Variants in C9 observed in about 807,000 individuals in gnomAD.
C9 encodes complement C9.
A neutral mutation model predicts 65.4 loss-of-function variants in C9; 63 were observed. The ratio of observed to expected loss-of-function variants is 0.96; its 90% CI spans 0.79 to 1.19. The LOEUF is 1.19. Ranked by LOEUF, C9 falls within the 50% of genes most tolerant of loss-of-function variation. The pLI, the probability that C9 is intolerant of heterozygous loss-of-function variation, is 0.00. For missense variants in C9, 744 were observed against 670.1 expected, an observed-to-expected ratio of 1.11 and a Z score of -1.22; for synonymous variants, 229 against 227.9, an observed-to-expected ratio of 1.00 and a Z score of -0.04.
At chr5:39,299,613 G>A (rs190553) in intron 9 of C9, among the ~76,000 whole-genome samples, 147,576 of 152,234 alleles carry the variant, frequency 0.97, 71,694 homozygotes, top group East Asian at 1. Context: ...AAAAAGTTAC[G>A]TGATTACATT....
chr5:39,290,993 AC>A (rs1284066549), intron 9 of C9, among the ~76,000 whole-genome samples: 5 of 151,852 alleles, frequency 3.3e-5, no homozygotes, highest in East Asian at 3.9e-4. Context: ...ATACAAAATT[AC>A]CCCAGGCATC....
chr5:39,316,916 T>C lies in C9; in HGVS notation c.616-887A>G, dbSNP rs536859220. On this transcript the variant is annotated intron_variant, in intron 5 of 10. Coordinates refer to ENST00000263408, the MANE Select transcript of C9 (RefSeq NM_001737.5). ...TTTCTGCTTCTAGATCTTTGAAGAA[T>C]TGGCACACTGTCTTCCACAATAGTT... Among the ~76,000 whole-genome samples, 6 of 152,330 alleles carry C rather than the reference T, an allele frequency of 3.9e-5. No homozygotes were observed. In the East Asian group the frequency reaches 1.2e-3, roughly 29 times the overall value.
chr5:39,288,053 AAC>A (rs1418613620), intron 10 of C9, among the ~76,000 whole-genome samples: 4 of 151,972 alleles, frequency 2.6e-5, no homozygotes, highest in Non-Finnish European at 5.9e-5. Flanking sequence ...AGCTTTCAAA[AAC>A]ACAAATACAG....
At chr5:39,294,830 A>C (rs1164182837) in intron 9 of C9, among the ~76,000 whole-genome samples, 1 of 151,932 alleles carries the variant, frequency 6.6e-6, no homozygotes, top group Non-Finnish European at 1.5e-5. Context: ...AATATTAGCA[A>C]ACTGATGGCA....
chr5:39,334,306 C>T (rs1753911053), intron 4 of C9, among the ~76,000 whole-genome samples: 1 of 150,968 alleles, frequency 6.6e-6, no homozygotes, highest in African/African-American at 2.4e-5. Flanking sequence ...CGGCCGCAAC[C>T]CCGTCTGGGA....
At chr5:39,349,980 T>C (rs986648369) in intron 1 of C9, among the ~76,000 whole-genome samples, 8 of 152,166 alleles carry the variant, frequency 5.3e-5, no homozygotes, top group Non-Finnish European at 1.2e-4. Flanking sequence ...CTAATGACAC[T>C]GTATTAATCT....
intron 6 of C9, among the ~76,000 whole-genome samples, chr5:39,312,559 T>G (rs1339660314): frequency 1.3e-5 from 2 of 152,082 alleles, no homozygotes; most frequent in Middle Eastern, 3.2e-3. Context: ...GGAACTCAAG[T>G]CAGCCTAAGC....
At chr5:39,348,331 G>A (rs1036958693) in intron 1 of C9, among the ~76,000 whole-genome samples, 9 of 151,936 alleles carry the variant, frequency 5.9e-5, no homozygotes, top group South Asian at 2.1e-4. Context: ...CAAGAAAAAA[G>A]CAAACAACCC....
chr5:39,313,494 A>G (rs1054205311), intron 6 of C9, among the ~76,000 whole-genome samples: 4 of 152,160 alleles, frequency 2.6e-5, no homozygotes, highest in Non-Finnish European at 5.9e-5. Flanking sequence ...TGCTTCTCAA[A>G]CTATAAAATG....
intron 5 of C9, among the ~76,000 whole-genome samples, chr5:39,329,991 G>A (rs894750756): frequency 8.5e-5 from 13 of 152,206 alleles, no homozygotes; most frequent in African/African-American, 2.9e-4. Context: ...AGTGGGAGCA[G>A]CAACGGAGTG....
At chr5:39,334,908 A>G (rs10473134) in intron 4 of C9, among the ~76,000 whole-genome samples, 4,497 of 152,130 alleles carry the variant, frequency 0.03, 209 homozygotes, top group African/African-American at 0.1. Flanking sequence ...TTGAGAAATC[A>G]GATGGTTGCT....
At chr5:39,286,940 T>C (rs1264142809) in intron 10 of C9, among the ~76,000 whole-genome samples, 1 of 152,018 alleles carries the variant, frequency 6.6e-6, no homozygotes. Flanking sequence ...GGTTGAATGA[T>C]AAACGAGGCT....
At chr5:39,344,849 G>T (rs1326727460) in intron 1 of C9, among the ~76,000 whole-genome samples, 1 of 152,216 alleles carries the variant, frequency 6.6e-6, no homozygotes, top group Non-Finnish European at 1.5e-5. Flanking sequence ...CAAGCCAGAA[G>T]AGAGTGGGGG....
chr5:39,330,322 C>T (rs552319486), intron 5 of C9, among the ~76,000 whole-genome samples: 40 of 152,270 alleles, frequency 2.6e-4, no homozygotes, highest in Non-Finnish European at 4.7e-4. Flanking sequence ...ACATGTGTTT[C>T]CAGGGTTATG....
At chr5:39,357,110 G>A (rs560011932) in intron 1 of C9, among the ~76,000 whole-genome samples, 12 of 152,190 alleles carry the variant, frequency 7.9e-5, no homozygotes, top group Non-Finnish European at 1.6e-4. Flanking sequence ...ATCCTGCCAT[G>A]AAGAAAAGTT....
chr5:39,339,651 CTTTTTTTT>C (rs550624256), intron 4 of C9, among the ~76,000 whole-genome samples: 32 of 57,494 alleles, frequency 5.6e-4, no homozygotes, highest in Admixed American at 2.6e-3. Flanking sequence ...TCTTTTCTCT[CTTTTTTTT>C]TTTTTTTTTT....
chr5:39,297,681 G>T (rs955740648), intron 9 of C9, among the ~76,000 whole-genome samples: 1 of 151,628 alleles, frequency 6.6e-6, no homozygotes, highest in African/African-American at 2.4e-5. Context: ...ATCTAAATGT[G>T]TATGCACCCA....
intron 10 of C9, among the ~76,000 whole-genome samples, chr5:39,288,386 A>G (rs1399109980): frequency 1.3e-5 from 2 of 151,854 alleles, no homozygotes; most frequent in African/African-American, 2.4e-5. Context: ...CAAAGTGTAT[A>G]TGATATATAT....
chr5:39,344,169 T>C (rs1177172825), intron 1 of C9, among the ~76,000 whole-genome samples: 2 of 152,172 alleles, frequency 1.3e-5, no homozygotes, highest in African/African-American at 2.4e-5. Flanking sequence ...CAAAGCTGGA[T>C]GGAGAATGAC....
Sources: allele counts gnomAD v4.1 joint callset (sites outside exome capture counted in the v4.1 genomes callset), GRCh38; gene constraint gnomAD v4.1.1; transcripts MANE v1.5; gene names NCBI Gene and HGNC (gene_info 2026-07-23, HGNC 2026-07-21).